BNC2: variants seen among roughly 807,000 people sequenced by gnomAD.
The protein encoded by BNC2 is zinc finger protein basonuclin-2.
BNC2 carries 20 observed loss-of-function variants against 76.3 expected under a neutral mutation model. The ratio of observed to expected loss-of-function variants is 0.26; its 90% CI spans 0.18 to 0.38. The LOEUF is 0.38. Ranked by LOEUF, BNC2 falls within the 10% of genes least tolerant of loss-of-function variation. The pLI is 1.00. For missense variants in BNC2, 1,382 were observed against 1,399.8 expected, an observed-to-expected ratio of 0.99 and a Z score of 0.20; for synonymous variants, 582 against 514.8, an observed-to-expected ratio of 1.13 and a Z score of -1.77.
intron 3 of BNC2, among the ~76,000 whole-genome samples, chr9:16,724,452 A>C (rs1292181536): frequency 2.0e-5 from 3 of 152,106 alleles, no homozygotes; most frequent in Non-Finnish European, 4.4e-5. Context: ...TGATCCAAAG[A>C]AGAACTCCCT....
chr9:16,431,319 A>C (rs1465741527), intron 6 of BNC2: 1 of 278,824 alleles, frequency 3.6e-6, no homozygotes, highest in Non-Finnish European at 8.0e-6. Context: ...TTCCCTTCAA[A>C]ATGGGTGACC....
intron 5 of BNC2, among the ~76,000 whole-genome samples, chr9:16,523,781 C>A (rs1817703250): frequency 6.6e-6 from 1 of 151,858 alleles, no homozygotes; most frequent in Non-Finnish European, 1.5e-5. Flanking sequence ...AAAAAATTAG[C>A]CAGGCATGGT....
At chr9:16,546,317 G>A (rs934781807) in intron 5 of BNC2, among the ~76,000 whole-genome samples, 3 of 152,118 alleles carry the variant, frequency 2.0e-5, no homozygotes, top group Admixed American at 2.0e-4. Flanking sequence ...GACTAAGAAT[G>A]GCAAAGTCTT....
chr9:16,487,762 T>C (rs1822195469), intron 5 of BNC2, among the ~76,000 whole-genome samples: 1 of 152,218 alleles, frequency 6.6e-6, no homozygotes, highest in South Asian at 2.1e-4. Context: ...GGTAAGCTAT[T>C]CAGAAATAAA....
chr9:16,537,671 C>G (rs1818172158), intron 5 of BNC2, among the ~76,000 whole-genome samples: 1 of 151,998 alleles, frequency 6.6e-6, no homozygotes, highest in South Asian at 2.1e-4. Context: ...AAAAGCCAAA[C>G]CTTGACTAAA....
chr9:16,766,001 A>C (rs1185727522), intron 1 of BNC2, among the ~76,000 whole-genome samples: 6 of 151,912 alleles, frequency 3.9e-5, no homozygotes, highest in Non-Finnish European at 8.8e-5. Context: ...GTTAGCCAGG[A>C]TGTTCTCGAT....
At chr9:16,676,068 C>T (rs1035515476) in intron 3 of BNC2, among the ~76,000 whole-genome samples, 5 of 152,042 alleles carry the variant, frequency 3.3e-5, no homozygotes, top group African/African-American at 4.8e-5. Context: ...CTGTCTCAAT[C>T]AATCAATCAA....
intron 1 of BNC2, among the ~76,000 whole-genome samples, chr9:16,795,688 G>A (rs1019826497): frequency 2.0e-5 from 3 of 152,132 alleles, no homozygotes; most frequent in Non-Finnish European, 4.4e-5. Flanking sequence ...ATCCTTTGAA[G>A]TAAGACACTT....
At chr9:16,757,593 C>A (rs1268327147) in intron 1 of BNC2, among the ~76,000 whole-genome samples, 1 of 152,142 alleles carries the variant, frequency 6.6e-6, no homozygotes, top group Non-Finnish European at 1.5e-5. Context: ...TCTCAAAACT[C>A]CATTGTTAAC....
intron 3 of BNC2, among the ~76,000 whole-genome samples, chr9:16,647,553 G>T (rs1473002689): frequency 1.3e-5 from 2 of 152,168 alleles, no homozygotes; most frequent in Non-Finnish European, 2.9e-5. Flanking sequence ...CCCCTAGGGT[G>T]ACGCTTCTGG....
intron 1 of BNC2, among the ~76,000 whole-genome samples, chr9:16,847,461 T>C (rs1477408927): frequency 9.4e-6 from 1 of 106,534 alleles, no homozygotes; most frequent in African/African-American, 3.8e-5. Flanking sequence ...CATTACAAAT[T>C]AAGGAAGTTG....
intron 1 of BNC2, among the ~76,000 whole-genome samples, chr9:16,782,228 T>C (rs1826173555): frequency 1.3e-5 from 2 of 151,976 alleles, no homozygotes; most frequent in South Asian, 4.1e-4. Context: ...GAGGTTTCAG[T>C]CAGCCGAGAT....
intron 1 of BNC2, among the ~76,000 whole-genome samples, chr9:16,751,619 T>TAC (rs1762946599): frequency 7.9e-5 from 3 of 38,102 alleles, no homozygotes; most frequent in Admixed American, 2.6e-4. Context: ...TATATATGTG[T>TAC]ATATATATAT....
chr9:16,437,926 T>TA (rs1455846375), intron 5 of BNC2, among the ~76,000 whole-genome samples: 4 of 152,224 alleles, frequency 2.6e-5, no homozygotes, highest in African/African-American at 7.2e-5. Context: ...CCTTAGTCCT[T>TA]ATTAAATAGT....
intron 1 of BNC2, among the ~76,000 whole-genome samples, chr9:16,739,228 C>T (rs996497328): frequency 6.6e-6 from 1 of 152,150 alleles, no homozygotes; most frequent in African/African-American, 2.4e-5. Flanking sequence ...TGCTATTTAG[C>T]CTGTTATCTA....
In BNC2 at chr9:16,410,783, G is replaced by A. The variant is rs1303339342; in HGVS notation, c.*8206C>T. ...GAGAAAGACAATGGAAAAGTCAGAG[G>A]AGATTAAGATACACAATGAGAGGAA... is the stretch of plus-strand genomic sequence containing the variant. On this transcript the variant is annotated 3_prime_UTR_variant, in exon 7 of 7. Coordinates refer to ENST00000380672, the MANE Select transcript of BNC2 (RefSeq NM_017637.6). 6.6e-6 allele frequency: 1 copy of A among 152,072 alleles called. No homozygotes were observed. The highest frequency in any genetic ancestry group is 1.5e-5 in the Non-Finnish European group (1 of 68,030). 9.4% of individuals were successfully genotyped at this position (152,072 alleles called of 1,614,324 possible).
chr9:16,516,126 C>A (rs1344697633), intron 5 of BNC2, among the ~76,000 whole-genome samples: 1 of 152,142 alleles, frequency 6.6e-6, no homozygotes. Context: ...TCTTGCCTTT[C>A]GGGTGGCCTG....
chr9:16,742,775 G>A (rs954702944), intron 1 of BNC2, among the ~76,000 whole-genome samples: 8 of 152,098 alleles, frequency 5.3e-5, no homozygotes, highest in African/African-American at 1.4e-4. Context: ...CATATTTCAT[G>A]CCCCATAGTT....
chr9:16,463,797 C>G (rs1821641582), intron 5 of BNC2, among the ~76,000 whole-genome samples: 1 of 151,954 alleles, frequency 6.6e-6, no homozygotes, highest in Non-Finnish European at 1.5e-5. Flanking sequence ...TGGTTCACGT[C>G]TGTAATCCCA....
Sources: gnomAD v4.1 joint callset for allele counts (sites outside exome capture counted in the v4.1 genomes callset) on GRCh38, gnomAD v4.1.1 for gene constraint, MANE v1.5 for transcripts, NCBI Gene and HGNC (gene_info 2026-07-23, HGNC 2026-07-21) for gene names.